Variants in ECD observed in about 807,000 individuals in gnomAD.
The protein encoded by ECD is ecdysoneless cell cycle regulator, also known as protein ecdysoneless homolog.
ECD carries 59 observed loss-of-function variants against 77.2 expected under a neutral mutation model. The ratio of observed to expected loss-of-function variants is 0.76; its 90% CI spans 0.62 to 0.95. ECD has a LOEUF of 0.95. Ranked by LOEUF, ECD falls within the 40% of genes least tolerant of loss-of-function variation. The pLI is 0.00. For missense variants in ECD, 704 were observed against 763.4 expected, an observed-to-expected ratio of 0.92 and a Z score of 0.92; for synonymous variants, 233 against 267.4, an observed-to-expected ratio of 0.87 and a Z score of 1.26.
intron 9 of ECD, among the ~76,000 whole-genome samples, chr10:73,143,453 A>C (rs1843084407): frequency 6.6e-6 from 1 of 152,250 alleles, no homozygotes; most frequent in African/African-American, 2.4e-5. Context: ...GGTGTGAGCC[A>C]CTGCGCCCAG....
At chr10:73,167,555 T>G (rs1334670483) in intron 1 of ECD, among the ~76,000 whole-genome samples, 1 of 152,100 alleles carries the variant, frequency 6.6e-6, no homozygotes, top group African/African-American at 2.4e-5. Flanking sequence ...GGAACCTGCT[T>G]CTTCTTATCC....
chr10:73,145,489 GT>G (rs1418792104), intron 9 of ECD, among the ~76,000 whole-genome samples: 1 of 152,096 alleles, frequency 6.6e-6, no homozygotes, highest in Non-Finnish European at 1.5e-5. Flanking sequence ...GGAGATGGAA[GT>G]TTGGTTTTAA....
In ECD at chr10:73,136,926, G is replaced by T. The variant is rs1021416071; in HGVS notation, c.1490-8C>A. 10 of 1,461,106 alleles carry T rather than the reference G, an allele frequency of 6.8e-6. No individual in the cohort carries two copies. The South Asian group carries it at 9.7e-5, about 14-fold the overall frequency. The allele number at this position is 1,461,106 out of a possible 1,614,324, so 90.5% of individuals were successfully genotyped here. A position where few individuals can be genotyped will look rare whatever the true frequency, so the allele number is the denominator to read the frequency against. On this transcript the variant is annotated splice_polypyrimidine_tract_variant and splice_region_variant and intron_variant, in intron 12 of 13. Transcript: ENST00000372979. ...ACTCATTAGGCCTTGGCCCTACACA[G>T]ATCCCAAGAAAGAAAGAGCCACTTA... is the stretch of plus-strand genomic sequence containing the variant.
At chr10:73,137,777 A>AAC (rs1181884775) in intron 12 of ECD, among the ~76,000 whole-genome samples, 1 of 147,676 alleles carries the variant, frequency 6.8e-6, no homozygotes, top group African/African-American at 2.5e-5. Context: ...CACTGTCTCA[A>AAC]AAAAAAAAAA....
At chr10:73,160,115 T>C (rs542435233) in intron 3 of ECD, among the ~76,000 whole-genome samples, 1 of 151,266 alleles carries the variant, frequency 6.6e-6, no homozygotes, top group South Asian at 2.1e-4. Context: ...GGTGAACCCT[T>C]GTCTCTACTA....
At position 73,163,563 on chromosome 10, in the gene ECD, T is replaced by TA. The variant is rs899286339; in HGVS notation, c.205+169dup. Among the ~76,000 whole-genome samples, 17 of 152,006 alleles carry TA rather than the reference T, an allele frequency of 1.1e-4. No individual in the cohort carries two copies. In the East Asian group the frequency reaches 2.1e-3, roughly 19 times the overall value. ...AAGTTTTCATTAATATGATTTTTTTTAAAAAAAAGCTTTAAGGCTAACTGA... is the reference window on the plus strand; with the variant it reads ...AAGTTTTCATTAATATGATTTTTTTTAAAAAAAAAGCTTTAAGGCTAACTGA... On this transcript the variant is annotated intron_variant, in intron 2 of 13. Coordinates refer to ENST00000372979, the MANE Select transcript of ECD (RefSeq NM_007265.3).
chr10:73,156,404 G>C lies in ECD; in HGVS notation c.461C>G (p.Ser154Cys). 1.2e-6 allele frequency: 2 copies of C among 1,613,308 alleles called. No individual in the cohort carries two copies. The highest frequency in any genetic ancestry group is 1.7e-6 in the Non-Finnish European group (2 of 1,179,788). ...ELCIIPAPRKSGAESWLPTTP... is the reference protein window; with the variant it reads ...ELCIIPAPRKCGAESWLPTTP... ...GGTGGGTAACCAAGATTCTGCTCCA[G>C]ATTTTCTTGGTGCAGGGATAATACA... The change falls in exon 5 of 14, where the codon TCT (serine) becomes TGT (cysteine). Residue 154 changes from serine to cysteine, a missense_variant. Coordinates refer to ENST00000372979, the MANE Select transcript of ECD (RefSeq NM_007265.3).
At position 73,146,361 on chromosome 10, in the gene ECD, C is replaced by A; in HGVS notation, c.1042G>T (p.Gly348Ter). The stretch of plus-strand genomic sequence containing the variant: ...TACTGAGCAGAACCTTCTATCAGTC[C>A]CTTAAAAAAAAAAAAAGGTCTATCA... ...ESLKKNDYFK[G>*]LIEGSAQYRE... is the part of the protein sequence containing the mutation. The change falls in exon 9 of 14, where the codon GGA (glycine) becomes TGA (stop). Residue 348 changes from glycine (G) to a stop codon, truncating the protein, a stop_gained and splice_region_variant. Transcript: ENST00000372979. LOFTEE classifies it high-confidence loss of function. 6.3e-7 allele frequency: 1 copy of A among 1,587,714 alleles called. No homozygotes were observed. The highest frequency in any genetic ancestry group is 1.8e-5 in the Admixed American group (1 of 55,108).
chr10:73,139,129 T>C (rs1198965511), intron 11 of ECD, among the ~76,000 whole-genome samples, 180 bp downstream of exon 11: 2 of 151,458 alleles, frequency 1.3e-5, no homozygotes, highest in Non-Finnish European at 2.9e-5. Context: ...TTGCAAAGGA[T>C]GAGGCTTCTA....
chr10:73,163,604 A>T lies in ECD; in HGVS notation c.205+129T>A. 7.7e-6 allele frequency: 6 copies of T among 780,216 alleles called. No individual in the cohort carries two copies. The South Asian group carries it at 9.8e-5, about 13-fold the overall frequency. 48.3% of individuals were successfully genotyped at this position (780,216 alleles called of 1,614,324 possible). On this transcript the variant is annotated intron_variant, in intron 2 of 13. Transcript: ENST00000372979. ...GGCTAACTGAATATAGACAAGTATT[A>T]CTCATCTAAAAAGTTTAGTGTATTA...
intron 3 of ECD, among the ~76,000 whole-genome samples, chr10:73,157,637 G>A (rs1589120732): frequency 6.6e-6 from 1 of 151,172 alleles, no homozygotes; most frequent in African/African-American, 2.4e-5. Context: ...TAGGAGAATT[G>A]CTTGAACCTG....
chr10:73,148,219 G>A lies in ECD; in HGVS notation c.1041+57C>T, dbSNP rs994938970. The A allele has an allele frequency of 1.3e-5, 21 of 1,588,194 alleles. 1 individual carries two copies. The highest frequency in any genetic ancestry group is 5.4e-5 in the African/African-American group (4 of 73,774). Reference sequence around the variant, plus strand: ...AATATGGACTATAGGACTTTAAGTCGCTGGCTTGATTTTCCCTGGATTGAA... The same window carrying A: ...AATATGGACTATAGGACTTTAAGTCACTGGCTTGATTTTCCCTGGATTGAA... On this transcript the variant is annotated intron_variant, in intron 8 of 13. Coordinates refer to ENST00000372979, the MANE Select transcript of ECD (RefSeq NM_007265.3).
chr10:73,156,524 C>T (rs1452448655), intron 4 of ECD, 44 bp downstream of exon 4: 67 of 1,611,846 alleles, frequency 4.2e-5, no homozygotes, highest in Non-Finnish European at 5.3e-5. Context: ...TGTAATGCAG[C>T]ATGATTTCAT....
At position 73,134,788 on chromosome 10, in the gene ECD, T is replaced by C; in HGVS notation, c.1730A>G (p.Asn577Ser). Reference sequence around the variant, plus strand: ...ACCAGAATCTTCCTCATCTGAATTGTTATCGGTAGTCTGGGATACAGGTTC... The same window carrying C: ...ACCAGAATCTTCCTCATCTGAATTGCTATCGGTAGTCTGGGATACAGGTTC... ...QVEPVSQTTD[N>S]NSDEEDSGTG... The change falls in exon 14 of 14, where the codon AAC becomes AGC. Residue 577 changes from asparagine to serine, a missense_variant. This residue lies in a region of ECD where 142 missense variants were observed against 163.6 expected (regional missense o/e 0.87). Transcript: ENST00000372979. The C allele has an allele frequency of 3.7e-6, 6 of 1,614,148 alleles. No homozygotes were observed. The highest frequency in any genetic ancestry group is 4.2e-6 in the Non-Finnish European group (5 of 1,180,014).
chr10:73,141,522 G>T (rs553401793), intron 9 of ECD: 1 of 152,068 alleles, frequency 6.6e-6, no homozygotes, highest in East Asian at 1.9e-4. Context: ...AAAAAAAAAA[G>T]AGACTCCATA....
chr10:73,155,592 T>G (rs1271702184), intron 5 of ECD, among the ~76,000 whole-genome samples: 1 of 148,206 alleles, frequency 6.7e-6, no homozygotes, highest in African/African-American at 2.5e-5. Context: ...ATTAGGTTTC[T>G]ACTTTTTTTT....
intron 1 of ECD, among the ~76,000 whole-genome samples, chr10:73,167,052 T>C (rs547335906): frequency 6.6e-6 from 1 of 152,302 alleles, no homozygotes; most frequent in Admixed American, 6.5e-5. Context: ...TTTCCCAGTA[T>C]CATTTATTGA....
At position 73,156,456 on chromosome 10, in the gene ECD, G is replaced by A. The variant is rs377618785; in HGVS notation, c.412-3C>T. 6 of 1,608,578 alleles carry A rather than the reference G, an allele frequency of 3.7e-6. No individual in the cohort carries two copies. The African/African-American group carries it at 6.7e-5, about 18-fold the overall frequency. On this transcript the variant is annotated splice_region_variant and splice_polypyrimidine_tract_variant and intron_variant, in intron 4 of 13. Transcript: ENST00000372979. ...AATTCCCCATGGCAGAAAAATACCT[G>A]CAAACGGTACATTTCAATTTTCACA...
At chr10:73,149,056 C>A (rs578083753) in intron 7 of ECD, among the ~76,000 whole-genome samples, 1 of 152,234 alleles carries the variant, frequency 6.6e-6, no homozygotes, top group East Asian at 1.9e-4. Flanking sequence ...TAACCATATA[C>A]CTTGGAGATC....
Sources: gnomAD v4.1 joint callset for allele counts (sites outside exome capture counted in the v4.1 genomes callset) on GRCh38, gnomAD v4.1.1 for gene constraint, gnomAD v4.1.1 regional missense constraint, MANE v1.5 for transcripts, NCBI Gene and HGNC (gene_info 2026-07-23, HGNC 2026-07-21) for gene names.